DEF8: variants seen among roughly 807,000 people sequenced by gnomAD.
DEF8 encodes DEF-8.
A neutral mutation model predicts 59.1 loss-of-function variants in DEF8; 38 were observed. The observed-to-expected ratio is 0.64, with a 90% confidence interval of 0.50 to 0.84. The LOEUF (loss-of-function observed/expected upper bound fraction) is 0.84. DEF8 is among the 40% of genes least tolerant of loss of function. The pLI, the probability that DEF8 is intolerant of heterozygous loss-of-function variation, is 0.00. For missense variants in DEF8, 557 were observed against 615.2 expected, an observed-to-expected ratio of 0.91 and a Z score of 1.00; for synonymous variants, 265 against 250.1, an observed-to-expected ratio of 1.06 and a Z score of -0.56.
intron 2 of DEF8, among the ~76,000 whole-genome samples, chr16:89,951,333 C>T (rs909493140): frequency 6.6e-6 from 1 of 151,930 alleles, no homozygotes; most frequent in African/African-American, 2.4e-5. Flanking sequence ...CTCGGCTCAC[C>T]TCCTGGGTTC....
intron 3 of DEF8, 61 bp from the exon 4 acceptor site, chr16:89,955,108 T>C (rs1408931445): frequency 7.4e-7 from 1 of 1,343,670 alleles, no homozygotes; most frequent in Non-Finnish European, 1.1e-6. Context: ...AGCTCCTCCC[T>C]AGGGGATGGG....
chr16:89,957,261 C>G (rs937661123), intron 4 of DEF8: 2 of 371,682 alleles, frequency 5.4e-6, no homozygotes, highest in African/African-American at 4.1e-5. Context: ...TGAAAAGCAA[C>G]TTTCAAACAT....
intron 10 of DEF8, chr16:89,963,682 A>G: frequency 1.8e-6 from 1 of 559,706 alleles, no homozygotes; most frequent in Non-Finnish European, 3.2e-6. Flanking sequence ...GGTCCAGCCC[A>G]GCCCTCGTCA....
rs1040560711 is a variant in DEF8, at chr16:89,966,748, G to C, written c.*785G>C. The C allele has an allele frequency of 2.6e-5, 4 of 152,908 alleles. No homozygotes were observed. The highest frequency in any genetic ancestry group is 7.2e-5 in the African/African-American group (3 of 41,466). 9.5% of individuals were successfully genotyped at this position (152,908 alleles called of 1,614,324 possible). The stretch of plus-strand genomic sequence containing the variant: ...GCCCCAGCCTGAGGAGGGTGTCCTG[G>C]CCTCCAGGTGTGCAGCAGGGGCTGT... On this transcript the variant is annotated 3_prime_UTR_variant, in exon 13 of 13. Transcript: ENST00000563594.
In DEF8 at chr16:89,964,541, T is replaced by A. The variant is rs143734407; in HGVS notation, c.1219T>A (p.Ser407Thr). 1.1e-5 allele frequency: 18 copies of A among 1,590,172 alleles called. No individual in the cohort carries two copies. The South Asian group carries it at 1.1e-4, about 10-fold the overall frequency. The change falls in exon 12 of 13, where the codon TCT becomes ACT. Residue 407 changes from serine (S) to threonine (T), a missense_variant. Coordinates refer to ENST00000563594, the MANE Select transcript of DEF8 (RefSeq NM_001242818.2). ...GCTGTTCCCGTTCGACAGCCACACG[T>A]CTGTGTGCGCCGACTGCTCCGCGGT... ...DVLFPFDSHT[S>T]VCADCSAVFH...
intron 4 of DEF8, 58 bp downstream of exon 4, chr16:89,955,324 G>A: frequency 1.4e-6 from 2 of 1,468,552 alleles, no homozygotes; most frequent in Non-Finnish European, 9.5e-7. Flanking sequence ...GGCAGGAAGG[G>A]CCAGGGTTTC....
chr16:89,950,714 T>C (rs1023134025), intron 2 of DEF8, among the ~76,000 whole-genome samples: 1 of 152,156 alleles, frequency 6.6e-6, no homozygotes, highest in Non-Finnish European at 1.5e-5. Flanking sequence ...GCATGGTAGC[T>C]CACACCTATA....
rs747090245 is a variant in DEF8, at chr16:89,949,973, G to C, written c.-11+460G>C. The C allele has an allele frequency of 7.0e-6, 7 of 1,003,270 alleles. No individual in the cohort carries two copies. The African/African-American group carries it at 1.2e-4, about 17-fold the overall frequency. 62.1% of individuals were successfully genotyped at this position (1,003,270 alleles called of 1,614,324 possible). A position where few individuals can be genotyped will look rare whatever the true frequency, so the allele number is the denominator to read the frequency against. ...CAGAAGCTAAGGCTGCGAGGCCAGC[G>C]GCCTCCCCTCATTCATCCCCTGCCC... On this transcript the variant is annotated intron_variant, in intron 2 of 12. Transcript: ENST00000563594.
At chr16:89,949,383 G>A (rs957058130) in intron 1 of DEF8, 34 bp from the exon 2 acceptor site, 2 of 1,541,072 alleles carry the variant, frequency 1.3e-6, no homozygotes, top group Admixed American at 1.9e-5. Context: ...TGGTGGGTGG[G>A]GAGGCACAGT....
rs2033665285 is a variant in DEF8, at chr16:89,959,055, G to T, written c.414G>T (p.Glu138Asp). Residue 138 changes from glutamate to aspartate, a missense_variant, in exon 6 of 13, where the codon GAG (glutamate) becomes GAT (aspartate). Physicochemically the swap from Glu to Asp is conservative, Grantham distance 45 (BLOSUM62 2). Coordinates refer to ENST00000563594, the MANE Select transcript of DEF8 (RefSeq NM_001242818.2). Reference sequence around the variant, plus strand: ...AGCCAAACATCCGAGTGCTCCTTGAGCACCGCTTTTACAAGGAGAAGAGCA... The same window carrying T: ...AGCCAAACATCCGAGTGCTCCTTGATCACCGCTTTTACAAGGAGAAGAGCA... The part of the protein sequence containing the change: ...EDEPNIRVLL[E>D]HRFYKEKSKS... The T allele has an allele frequency of 6.2e-7, 1 of 1,613,550 alleles. No individual in the cohort carries two copies. Among genetic ancestry groups the T allele is most frequent in the Non-Finnish European group, 8.5e-7 (1 of 1,180,026 alleles).
chr16:89,964,163 T>C lies in DEF8; in HGVS notation c.1003-7T>C. ...TGCAGGGCGTCACGGCTGCTGGGAC[T>C]TGGCAGCTCCAGGATCGGCAGCATT... On this transcript the variant is annotated splice_region_variant and splice_polypyrimidine_tract_variant and intron_variant, in intron 10 of 12. Coordinates refer to ENST00000563594, the MANE Select transcript of DEF8 (RefSeq NM_001242818.2). 1 of 1,613,890 alleles carries C rather than the reference T, an allele frequency of 6.2e-7. No individual in the cohort carries two copies. The highest frequency in any genetic ancestry group is 8.5e-7 in the Non-Finnish European group (1 of 1,179,940).
intron 10 of DEF8, chr16:89,963,847 G>A (rs2034338956): frequency 2.0e-6 from 1 of 511,546 alleles, no homozygotes; most frequent in Admixed American, 3.2e-5. Flanking sequence ...TACGTTGTGT[G>A]CTGGGGTGGT....
At chr16:89,957,698 GC>G in intron 5 of DEF8, 38 bp downstream of exon 5, 1 of 1,512,102 alleles carries the variant, frequency 6.6e-7, no homozygotes, top group South Asian at 1.3e-5. Flanking sequence ...GCAGCCTGGG[GC>G]CGAGGCCAGA....
At chr16:89,958,645 T>C (rs2033601305) in intron 5 of DEF8, 1 of 264,140 alleles carries the variant, frequency 3.8e-6, no homozygotes, top group South Asian at 4.6e-5. Context: ...TGACAGCTAA[T>C]GGTGTTGGGG....
chr16:89,957,346 C>T, intron 4 of DEF8, 165 bp from the exon 5 acceptor site: 1 of 695,922 alleles, frequency 1.4e-6, no homozygotes, highest in Non-Finnish European at 2.3e-6. Flanking sequence ...GACCGTGCTG[C>T]CACCTTTCCT....
intron 2 of DEF8, chr16:89,950,359 C>G (rs1329091708): frequency 3.1e-6 from 3 of 977,596 alleles, no homozygotes; most frequent in Non-Finnish European, 3.6e-6. Flanking sequence ...ATAGGCAAGA[C>G]AATGGAGAAC....
chr16:89,958,888 T>C, intron 5 of DEF8, 126 bp from the exon 6 acceptor site: 1 of 1,510,400 alleles, frequency 6.6e-7, no homozygotes, highest in South Asian at 1.3e-5. Flanking sequence ...GACATGGCAT[T>C]GTGCTGAAAC....
At position 89,954,366 on chromosome 16, in the gene DEF8, C is replaced by G; in HGVS notation, c.114C>G (p.Val38=). 6.2e-7 allele frequency: 1 copy of G among 1,613,612 alleles called. No homozygotes were observed. Among genetic ancestry groups the G allele is most frequent in the Non-Finnish European group, 8.5e-7 (1 of 1,179,768 alleles). The part of the protein sequence containing the change: ...EQGPGEEVPD[V]TPEEALPELP... ...GCCCTGGGGAGGAGGTCCCGGACGT[C>G]ACTCCTGAAGGTGGGTGCTGGTGGG... is the stretch of plus-strand genomic sequence containing the variant. Residue 38 remains valine (V), a synonymous_variant, in exon 3 of 13, where the codon GTC becomes GTG. Coordinates refer to ENST00000563594, the MANE Select transcript of DEF8 (RefSeq NM_001242818.2). This position sits in a 1 kb window ranked among gnomAD's most constrained non-coding sequence, Gnocchi z 4.3.
chr16:89,955,403 G>C, intron 4 of DEF8, 137 bp downstream of exon 4: 1 of 700,032 alleles, frequency 1.4e-6, no homozygotes, highest in Non-Finnish European at 2.4e-6. Flanking sequence ...TCCATTGTCA[G>C]GCTCAGCAGC....
Sources: allele counts gnomAD v4.1 joint callset (sites outside exome capture counted in the v4.1 genomes callset), GRCh38; gene constraint gnomAD v4.1.1; non-coding constraint Gnocchi (gnomAD v3.1); transcripts MANE v1.5; gene names NCBI Gene and HGNC (gene_info 2026-07-23, HGNC 2026-07-21).